The following PPHLN1 variants were observed in gnomAD, a reference collection of about 807,000 sequenced individuals.
The protein encoded by PPHLN1 is periphilin-1.
In PPHLN1, 29 loss-of-function variants were observed where a neutral mutation model predicts 51.3. That is an observed-to-expected ratio of 0.57 (90% CI 0.42 to 0.77). The LOEUF is 0.77. Among genes scored for constraint, PPHLN1 ranks in the 30% least tolerant of loss-of-function variants. The pLI, the probability that PPHLN1 is intolerant of heterozygous loss-of-function variation, is 0.00. For synonymous variants in PPHLN1, 147 were observed against 147.8 expected (o/e 0.99, Z 0.04); for missense variants, 436 against 438.4 (o/e 0.99, Z 0.05).
chr12:42,359,888 A>C (rs900807327), intron 4 of PPHLN1, among the ~76,000 whole-genome samples: 7 of 152,128 alleles, frequency 4.6e-5, no homozygotes, highest in African/African-American at 1.7e-4. Context: ...CAGGCAGATC[A>C]CATGAGGTCA....
intron 9 of PPHLN1, among the ~76,000 whole-genome samples, chr12:42,413,526 A>ATATGTGTG (rs1489120341): frequency 7.3e-6 from 1 of 136,518 alleles, no homozygotes; most frequent in African/African-American, 2.8e-5. Context: ...ATATATGTAT[A>ATATGTGTG]TGTGTGTGTG....
chr12:42,403,787 G>A (rs922134315), intron 9 of PPHLN1, among the ~76,000 whole-genome samples: 5 of 152,128 alleles, frequency 3.3e-5, no homozygotes, highest in Admixed American at 3.3e-4. Flanking sequence ...TTCCAGTAAA[G>A]GTAATCCCCA....
chr12:42,445,082 G>T (rs1167590461), downstream of PPHLN1: 3 of 702,348 alleles, frequency 4.3e-6, no homozygotes, highest in Non-Finnish European at 7.8e-6. Context: ...CTACTCTCGA[G>T]CCGGCCCTGT....
rs60029170 is a variant in PPHLN1 at position 42,418,211 on chromosome 12, CTTTTTTTTTT to C, written c.909+19234_909+19243del. Among the ~76,000 whole-genome samples, 217 of 98,354 alleles carry C rather than the reference CTTTTTTTTTT, an allele frequency of 2.2e-3. 1 individual carries two copies. Among genetic ancestry groups the C allele is most frequent in the African/African-American group, 8.5e-3 (202 of 23,784 alleles). 64.5% of individuals were successfully genotyped at this position (98,354 alleles called of 152,430 possible). A position where few individuals can be genotyped will look rare whatever the true frequency, so the allele number is the denominator to read the frequency against. On this transcript the variant is annotated intron_variant, in intron 9 of 9. Coordinates refer to ENST00000358314, the MANE Select transcript of PPHLN1 (RefSeq NM_201439.2). ...CGCCTCGACCACTGCTCCCGGCCCT[CTTTTTTTTTT>C]TTTTTTTTTTTTTTTTAATCAACGC...
intron 7 of PPHLN1, among the ~76,000 whole-genome samples, chr12:42,392,207 C>G (rs756543612): frequency 2.5e-4 from 38 of 152,270 alleles, no homozygotes; most frequent in Middle Eastern, 3.4e-3. Context: ...CAGAGTGAGA[C>G]TGCATTCCCC....
chr12:42,378,556 A>G (rs2076500645), intron 5 of PPHLN1, among the ~76,000 whole-genome samples: 2 of 152,064 alleles, frequency 1.3e-5, no homozygotes, highest in Non-Finnish European at 2.9e-5. Context: ...TATTATTATA[A>G]GTATAAATAA....
chr12:42,328,274 A>T (rs973461038), intron 1 of PPHLN1, among the ~76,000 whole-genome samples: 3 of 152,202 alleles, frequency 2.0e-5, no homozygotes, highest in Admixed American at 6.5e-5. Flanking sequence ...AGGCATAATT[A>T]TATGCTTTTG....
chr12:42,423,004 T>C (rs1003934019), intron 9 of PPHLN1, among the ~76,000 whole-genome samples: 1 of 152,230 alleles, frequency 6.6e-6, no homozygotes, highest in African/African-American at 2.4e-5. Flanking sequence ...AGTAGCAATA[T>C]GACTAGTTGA....
intron 5 of PPHLN1, among the ~76,000 whole-genome samples, chr12:42,382,314 A>G (rs1223355678): frequency 2.6e-5 from 4 of 152,060 alleles, no homozygotes; most frequent in Non-Finnish European, 4.4e-5. Context: ...ATTCCTTTTT[A>G]TTTCCTTTTT....
chr12:42,401,949 G>T (rs184381580), intron 9 of PPHLN1, among the ~76,000 whole-genome samples: 14 of 152,102 alleles, frequency 9.2e-5, no homozygotes, highest in Admixed American at 7.2e-4. Flanking sequence ...CCACCCCCCA[G>T]GCTCAAGCAA....
At chr12:42,333,293 A>G (rs1402895590) in intron 1 of PPHLN1, among the ~76,000 whole-genome samples, 6 of 152,126 alleles carry the variant, frequency 3.9e-5, no homozygotes, top group Non-Finnish European at 2.9e-5. Flanking sequence ...TGGTTCAGCA[A>G]TTTAATTTGT....
At chr12:42,334,008 T>C (rs2070211042) in intron 1 of PPHLN1, among the ~76,000 whole-genome samples, 1 of 152,218 alleles carries the variant, frequency 6.6e-6, no homozygotes, top group Non-Finnish European at 1.5e-5. Flanking sequence ...GTATAGCTAT[T>C]GACATTTTTC....
chr12:42,336,031 T>G, intron 2 of PPHLN1, 57 bp downstream of exon 2: 2 of 1,211,584 alleles, frequency 1.7e-6, no homozygotes, highest in Non-Finnish European at 2.3e-6. Flanking sequence ...ATTAATTTGA[T>G]ACACCAAAGC....
At chr12:42,341,493 C>A (rs901733845) in intron 2 of PPHLN1, among the ~76,000 whole-genome samples, 14 of 152,112 alleles carry the variant, frequency 9.2e-5, no homozygotes, top group Admixed American at 7.9e-4. Flanking sequence ...GACAATTGAA[C>A]ACTAATATAC....
downstream of PPHLN1, chr12:42,444,783 C>T: frequency 2.3e-6 from 1 of 437,818 alleles, no homozygotes; most frequent in Non-Finnish European, 4.1e-6. Flanking sequence ...CAAACTACTT[C>T]AGTTCTTATC....
At chr12:42,442,633 T>TC, downstream of PPHLN1, 1 of 1,613,956 alleles carries the variant, frequency 6.2e-7, no homozygotes, top group Non-Finnish European at 8.5e-7. Flanking sequence ...ATCCGGTCGC[T>TC]CGGCCAGAGT....
intron 1 of PPHLN1, 79 bp from the exon 2 acceptor site, chr12:42,335,804 G>GA (rs1475033683): frequency 6.1e-6 from 4 of 651,898 alleles, no homozygotes; most frequent in Non-Finnish European, 9.3e-6. Context: ...ATTTGTGTTG[G>GA]AAAGTAATCA....
At chr12:42,393,790 T>C in intron 8 of PPHLN1, 101 bp downstream of exon 8, 12 of 1,173,736 alleles carry the variant, frequency 1.0e-5, no homozygotes, top group East Asian at 2.6e-5. Context: ...CTTCAAAATA[T>C]ATCCTTATGG....
Position 42,341,930 on chromosome 12 carries a change from T to C in PPHLN1, c.72+5956T>C, listed in dbSNP as rs1187577000. Among the ~76,000 whole-genome samples, 3 of 152,186 alleles carry C rather than the reference T, an allele frequency of 2.0e-5. No homozygotes were observed. In the East Asian group the frequency reaches 5.8e-4, roughly 29 times the overall value. On this transcript the variant is annotated intron_variant, in intron 2 of 9. Transcript: ENST00000358314. Reference sequence around the variant, plus strand: ...GCCATCGCGCCCAGGCGCTTTTAAATTCTTTATGTATAAATAGTAAGTCAC... The same window carrying C: ...GCCATCGCGCCCAGGCGCTTTTAAACTCTTTATGTATAAATAGTAAGTCAC...
Sources: gnomAD v4.1 joint callset for allele counts (sites outside exome capture counted in the v4.1 genomes callset) on GRCh38, gnomAD v4.1.1 for gene constraint, MANE v1.5 for transcripts, NCBI Gene and HGNC (gene_info 2026-07-23, HGNC 2026-07-21) for gene names.